The following MEIKIN variants were observed in gnomAD, a reference collection of about 807,000 sequenced individuals.
The protein encoded by MEIKIN is meiotic kinetochore factor.
At chr5:131,816,384 TCC>T (rs1773099287) in intron 12 of MEIKIN, among the ~76,000 whole-genome samples, 1 of 152,222 alleles carries the variant, frequency 6.6e-6, no homozygotes, top group African/African-American at 2.4e-5. Context: ...AAGGAGATTA[TCC>T]CTGATAATAT....
chr5:131,820,846 T>C (rs556478004), intron 11 of MEIKIN, among the ~76,000 whole-genome samples: 1 of 152,346 alleles, frequency 6.6e-6, no homozygotes, highest in East Asian at 1.9e-4. Flanking sequence ...ATTTCTGTAG[T>C]ATTCATTGTA....
chr5:131,885,363 G>A (rs1035325236), intron 8 of MEIKIN, among the ~76,000 whole-genome samples: 173 of 27,916 alleles, frequency 6.2e-3, no homozygotes, highest in African/African-American at 0.016. Context: ...GAGAGAGAGA[G>A]AGAGAGAGAG....
intron 8 of MEIKIN, among the ~76,000 whole-genome samples, chr5:131,907,219 A>C (rs973538429): frequency 1.1e-4 from 16 of 152,130 alleles, no homozygotes; most frequent in African/African-American, 3.9e-4. Context: ...ACAGTTACAA[A>C]TGCTTATATC....
chr5:131,871,177 T>C (rs958453669), intron 9 of MEIKIN, among the ~76,000 whole-genome samples: 1 of 152,148 alleles, frequency 6.6e-6, no homozygotes, highest in African/African-American at 2.4e-5. Flanking sequence ...CAGTGCACCG[T>C]GCGCAAGCCG....
chr5:131,858,224 A>G (rs1307318240), intron 9 of MEIKIN, among the ~76,000 whole-genome samples: 2 of 152,168 alleles, frequency 1.3e-5, no homozygotes, highest in Non-Finnish European at 2.9e-5. Flanking sequence ...TCTTCCTCAA[A>G]CAAACTTAAC....
Position 131,933,567 on chromosome 5 carries a change from T to C in MEIKIN, c.424A>G (p.Ser142Gly). 2.5e-6 allele frequency: 1 copy of C among 398,908 alleles called. No individual in the cohort carries two copies. The highest frequency in any genetic ancestry group is 4.4e-6 in the Non-Finnish European group (1 of 225,996). 24.7% of individuals were successfully genotyped at this position (398,908 alleles called of 1,614,324 possible). Residue 142 changes from serine (S) to glycine (G), a missense_variant, in exon 5 of 13, where the codon AGT becomes GGT. Transcript: ENST00000442687. The part of the protein sequence containing the change: ...SVTDSYAEYK[S>G]FEESFPSPEL... ...GGTGATGGAAAGCTCTCTTCAAAAC[T>C]CTTGTATTCTGCATAAGAGTCTGTG...
intron 9 of MEIKIN, among the ~76,000 whole-genome samples, chr5:131,859,120 GCA>G (rs923445073): frequency 6.6e-6 from 1 of 152,240 alleles, no homozygotes; most frequent in African/African-American, 2.4e-5. Flanking sequence ...AAAGACACCT[GCA>G]CACGTATGTT....
At chr5:131,817,230 C>G (rs1280826231) in intron 12 of MEIKIN, among the ~76,000 whole-genome samples, 1 of 152,104 alleles carries the variant, frequency 6.6e-6, no homozygotes, top group Non-Finnish European at 1.5e-5. Context: ...TTAGTGATGC[C>G]ACTGGCTTCT....
At chr5:131,939,816 G>A (rs667437) in intron 4 of MEIKIN, among the ~76,000 whole-genome samples, 54,871 of 151,954 alleles carry the variant, frequency 0.36, 11,809 homozygotes, top group African/African-American at 0.61. Flanking sequence ...TACCTTTCAC[G>A]TGTCAACTTG....
At chr5:131,815,504 G>A (rs375929925) in intron 12 of MEIKIN, among the ~76,000 whole-genome samples, 2 of 152,178 alleles carry the variant, frequency 1.3e-5, no homozygotes, top group East Asian at 1.9e-4. Flanking sequence ...CTGGCTTAGA[G>A]GTCTTAGTTC....
At chr5:131,877,413 C>A (rs530733695) in intron 9 of MEIKIN, among the ~76,000 whole-genome samples, 1 of 152,044 alleles carries the variant, frequency 6.6e-6, no homozygotes, top group African/African-American at 2.4e-5. Flanking sequence ...GAGGTTGAAG[C>A]GGGTGGATCG....
At chr5:131,918,011 T>C (rs1247970535) in intron 6 of MEIKIN, among the ~76,000 whole-genome samples, 3 of 152,108 alleles carry the variant, frequency 2.0e-5, no homozygotes, top group Admixed American at 6.5e-5. Flanking sequence ...CTGGACAAAG[T>C]GACTGGTTCA....
At chr5:131,890,478 T>C (rs550998063) in intron 8 of MEIKIN, among the ~76,000 whole-genome samples, 11 of 152,362 alleles carry the variant, frequency 7.2e-5, no homozygotes, top group Non-Finnish European at 1.5e-4. Flanking sequence ...TATCCATTTC[T>C]TCTAGATTTT....
At chr5:131,893,392 T>G (rs907700883) in intron 8 of MEIKIN, among the ~76,000 whole-genome samples, 1 of 152,224 alleles carries the variant, frequency 6.6e-6, no homozygotes, top group Non-Finnish European at 1.5e-5. Flanking sequence ...CTCTGAGCCA[T>G]GTGGGGGATA....
intron 11 of MEIKIN, among the ~76,000 whole-genome samples, chr5:131,833,777 A>C (rs1028795414): frequency 4.6e-5 from 7 of 152,210 alleles, no homozygotes; most frequent in African/African-American, 1.7e-4. Context: ...TGAGACATAC[A>C]ATTCAAGTTG....
chr5:131,838,388 C>T (rs925649460), intron 11 of MEIKIN, among the ~76,000 whole-genome samples: 1 of 151,910 alleles, frequency 6.6e-6, no homozygotes, highest in Non-Finnish European at 1.5e-5. Flanking sequence ...AGAGGGGAGT[C>T]CCTCATTTTC....
chr5:131,913,630 A>G (rs1440515663), intron 7 of MEIKIN, among the ~76,000 whole-genome samples: 1 of 152,200 alleles, frequency 6.6e-6, no homozygotes. Context: ...CTTAGTTTGG[A>G]GATGAGTAAT....
intron 9 of MEIKIN, among the ~76,000 whole-genome samples, chr5:131,861,884 T>C (rs1268371818): frequency 6.6e-6 from 1 of 152,194 alleles, no homozygotes; most frequent in Non-Finnish European, 1.5e-5. Context: ...TGTGTCTATG[T>C]TCATCAGGCC....
intron 4 of MEIKIN, among the ~76,000 whole-genome samples, chr5:131,936,425 CTAT>C (rs1402860593): frequency 6.6e-6 from 1 of 152,128 alleles, no homozygotes; most frequent in Non-Finnish European, 1.5e-5. Context: ...TTCAATGTTT[CTAT>C]TATTATGACT....
Sources: gnomAD v4.1 joint callset for allele counts (sites outside exome capture counted in the v4.1 genomes callset) on GRCh38, gnomAD v4.1.1 for gene constraint, MANE v1.5 for transcripts, NCBI Gene and HGNC (gene_info 2026-07-23, HGNC 2026-07-21) for gene names.